KCNIP4: variants seen among roughly 807,000 people sequenced by gnomAD.
KCNIP4 encodes the protein Kv channel-interacting protein 4.
A neutral mutation model predicts 34.0 loss-of-function variants in KCNIP4; 12 were observed. The observed-to-expected ratio is 0.35, with a 90% CI of 0.23 to 0.57. The LOEUF (loss-of-function observed/expected upper bound fraction) is 0.57, where lower values mean the gene tolerates loss of function less well. Ranked by LOEUF, KCNIP4 falls within the 20% of genes least tolerant of loss-of-function variation. KCNIP4 has a pLI of 0.83. For missense variants in KCNIP4, 238 were observed against 311.7 expected, an observed-to-expected ratio of 0.76 and a Z score of 1.78; for synonymous variants, 124 against 102.2, an observed-to-expected ratio of 1.21 and a Z score of -1.29.
chr4:20,857,713 T>C (rs1385792866), intron 2 of KCNIP4, among the ~76,000 whole-genome samples: 2 of 150,284 alleles, frequency 1.3e-5, no homozygotes, highest in East Asian at 3.9e-4. Flanking sequence ...GAAATAATGA[T>C]ACAAATAATG....
chr4:20,919,702 CAAAA>C (rs573617142), intron 1 of KCNIP4, among the ~76,000 whole-genome samples: 6 of 57,266 alleles, frequency 1.0e-4, no homozygotes, highest in African/African-American at 3.5e-4. Context: ...GACTCCGTCT[CAAAA>C]AAAAAAAAAA....
intron 1 of KCNIP4, among the ~76,000 whole-genome samples, chr4:21,092,011 A>C (rs59706124): frequency 0.17 from 25,592 of 152,146 alleles, 2,239 homozygotes; most frequent in East Asian, 0.24. Context: ...GCCAAGCCAC[A>C]CAGTTAGTAA....
chr4:21,330,441 C>T (rs1477662822), intron 1 of KCNIP4, among the ~76,000 whole-genome samples: 2 of 152,080 alleles, frequency 1.3e-5, no homozygotes, highest in Non-Finnish European at 1.5e-5. Flanking sequence ...TTTATAGTTA[C>T]AGAATTCTGA....
chr4:21,913,085 C>T (rs146790352), intron 1 of KCNIP4, among the ~76,000 whole-genome samples: 27 of 151,984 alleles, frequency 1.8e-4, no homozygotes, highest in African/African-American at 5.5e-4. Context: ...CTCCAAAATG[C>T]AGGTGTTGCA....
chr4:21,050,663 C>T (rs1212109654), intron 1 of KCNIP4, among the ~76,000 whole-genome samples: 2 of 152,194 alleles, frequency 1.3e-5, no homozygotes, highest in East Asian at 3.9e-4. Context: ...ATGGTTCAAC[C>T]AGCTAAGTAA....
At chr4:20,802,053 T>C (rs1053293815) in intron 3 of KCNIP4, among the ~76,000 whole-genome samples, 1 of 150,812 alleles carries the variant, frequency 6.6e-6, no homozygotes, top group Admixed American at 6.6e-5. Flanking sequence ...TTTAATGATA[T>C]AGTGGTCTGA....
intron 1 of KCNIP4, among the ~76,000 whole-genome samples, chr4:20,930,512 A>G (rs7684205): frequency 0.14 from 20,527 of 152,022 alleles, 1,944 homozygotes; most frequent in African/African-American, 0.28. Flanking sequence ...AAATAAATGG[A>G]ACTACATCAA....
chr4:20,842,194 T>C (rs966963925), intron 3 of KCNIP4, among the ~76,000 whole-genome samples: 1 of 152,112 alleles, frequency 6.6e-6, no homozygotes, highest in Non-Finnish European at 1.5e-5. Flanking sequence ...GAGCCTGAAC[T>C]CAGCACTCAG....
intron 1 of KCNIP4, chr4:21,843,965 C>T (rs1310404401): frequency 2.0e-5 from 3 of 151,914 alleles, no homozygotes; most frequent in Non-Finnish European, 4.4e-5. Flanking sequence ...CATTCAATTC[C>T]AACATTTGTT....
intron 1 of KCNIP4, among the ~76,000 whole-genome samples, chr4:21,608,093 T>A (rs985129577): frequency 6.6e-6 from 1 of 152,174 alleles, no homozygotes. Flanking sequence ...GTTTTGTTTT[T>A]TCATGATGGT....
rs375623212 is a variant in KCNIP4 at position 20,906,134 on chromosome 4, TTCTC to T, written c.62-23429_62-23426del. On this transcript the variant is annotated intron_variant, in intron 1 of 8. Coordinates refer to ENST00000382152, the MANE Select transcript of KCNIP4 (RefSeq NM_025221.6). ...TCTCTTTCTCTTCCTCTCTTTCTCT[TTCTC>T]TCTCTCTTGTCGGGCAGCCTCCCAA... Among the ~76,000 whole-genome samples the T allele has an allele frequency of 8.8e-4, 120 of 137,072 alleles. 1 individual carries two copies. Among genetic ancestry groups the T allele is most frequent in the African/African-American group, 3.5e-3 (109 of 30,776 alleles). The allele number at this position is 137,072 out of a possible 152,430, so 89.9% of individuals were successfully genotyped here.
intron 3 of KCNIP4, among the ~76,000 whole-genome samples, chr4:20,836,192 C>T (rs922345200): frequency 3.9e-5 from 6 of 152,164 alleles, no homozygotes; most frequent in East Asian, 1.9e-4. Flanking sequence ...GTATGTCTAC[C>T]TGGCTGGTCT....
intron 1 of KCNIP4, among the ~76,000 whole-genome samples, chr4:21,839,370 G>A (rs1218299843): frequency 6.6e-6 from 1 of 152,120 alleles, no homozygotes; most frequent in African/African-American, 2.4e-5. Context: ...ATGTCTCTAA[G>A]TCTTCCAGAG....
intron 1 of KCNIP4, among the ~76,000 whole-genome samples, chr4:21,649,253 C>T (rs1470219531): frequency 1.3e-5 from 2 of 152,134 alleles, no homozygotes; most frequent in East Asian, 3.8e-4. Context: ...CATCTTTATA[C>T]AGTGCTAATT....
At position 20,773,047 on chromosome 4, in the gene KCNIP4, GA is replaced by G. The variant is rs34903951; in HGVS notation, c.289-14158del. Among the ~76,000 whole-genome samples the G allele has an allele frequency of 6.1e-4, 90 of 147,224 alleles. 2 individuals are homozygous for G. The South Asian group carries it at 0.013, about 21-fold the overall frequency. On this transcript the variant is annotated intron_variant, in intron 3 of 8. Coordinates refer to ENST00000382152, the MANE Select transcript of KCNIP4 (RefSeq NM_025221.6). ...GCAGCCCTGAGTCTCTGAAGTTAAA[GA>G]AAAAAAAAAAAAGTTTAGTCTGCTT...
At chr4:21,846,451 T>C (rs1271765020) in intron 1 of KCNIP4, 2 of 152,244 alleles carry the variant, frequency 1.3e-5, no homozygotes, top group East Asian at 1.9e-4. Flanking sequence ...CTCTGATCTT[T>C]AACAAGTCAT....
intron 1 of KCNIP4, among the ~76,000 whole-genome samples, chr4:21,177,656 C>A (rs1195675367): frequency 6.6e-6 from 1 of 151,604 alleles, no homozygotes; most frequent in Non-Finnish European, 1.5e-5. Context: ...ATGACAAAAC[C>A]CGGTCTCTAC....
chr4:20,777,937 C>T (rs1245981798), intron 3 of KCNIP4, among the ~76,000 whole-genome samples: 1 of 152,156 alleles, frequency 6.6e-6, no homozygotes, highest in African/African-American at 2.4e-5. Context: ...GAGCTGAATG[C>T]ACAGCCTTGG....
At chr4:21,095,804 G>T (rs1312852006) in intron 1 of KCNIP4, among the ~76,000 whole-genome samples, 2 of 152,016 alleles carry the variant, frequency 1.3e-5, no homozygotes, top group African/African-American at 4.8e-5. Context: ...GAAAAGGCAG[G>T]TGCAGCAGGT....
Sources: gnomAD v4.1 joint callset for allele counts (sites outside exome capture counted in the v4.1 genomes callset) on GRCh38, gnomAD v4.1.1 for gene constraint, MANE v1.5 for transcripts, NCBI Gene and HGNC (gene_info 2026-07-23, HGNC 2026-07-21) for gene names.